VPS13B: variants seen among roughly 807,000 people sequenced by gnomAD.
VPS13B encodes the protein intermembrane lipid transfer protein VPS13B.
VPS13B carries 285 observed loss-of-function variants against 426.4 expected under a neutral mutation model. The observed-to-expected ratio is 0.67, with a 90% CI of 0.61 to 0.74. VPS13B has a LOEUF of 0.74. Ranked by LOEUF, VPS13B falls within the 30% of genes least tolerant of loss-of-function variation. The pLI is 0.00. For missense variants in VPS13B, 4,537 were observed against 4,782.6 expected, an observed-to-expected ratio of 0.95 and a Z score of 1.51; for synonymous variants, 1,676 against 1,676.4, an observed-to-expected ratio of 1.00 and a Z score of 0.01.
chr8:99,099,257 G>T (rs1004958014), intron 4 of VPS13B, among the ~76,000 whole-genome samples: 1 of 152,098 alleles, frequency 6.6e-6, no homozygotes, highest in African/African-American at 2.4e-5. Flanking sequence ...TTTCATAAAA[G>T]ACAAGAACAT....
At chr8:99,697,214 G>A in intron 35 of VPS13B, 2 of 567,924 alleles carry the variant, frequency 3.5e-6, no homozygotes, top group Non-Finnish European at 3.2e-6. Flanking sequence ...AAGTGCACAA[G>A]GTAAAGCTGG....
intron 19 of VPS13B, among the ~76,000 whole-genome samples, chr8:99,350,081 TA>T (rs1811793587): frequency 6.6e-6 from 1 of 152,168 alleles, no homozygotes; most frequent in African/African-American, 2.4e-5. Context: ...CTTTCTTCAA[TA>T]AGTGAAGTTT....
chr8:99,508,035 G>T, intron 28 of VPS13B: 1 of 1,442,470 alleles, frequency 6.9e-7, no homozygotes, highest in Non-Finnish European at 9.6e-7. Flanking sequence ...CTTTATAAAT[G>T]AAGTATAATG....
At chr8:99,162,967 C>T (rs1407240830) in intron 15 of VPS13B, among the ~76,000 whole-genome samples, 1 of 152,098 alleles carries the variant, frequency 6.6e-6, no homozygotes, top group Admixed American at 6.5e-5. Context: ...TACAAAGGTT[C>T]TCCACGTCCC....
rs558539223 is a variant in VPS13B at position 99,249,624 on chromosome 8, T to C, written c.2516-24574T>C. 4.6e-5 allele frequency among the ~76,000 whole-genome samples: 7 copies of C among 151,942 alleles called. No homozygotes were observed. In the South Asian group the frequency reaches 8.3e-4, roughly 18 times the overall value. On this transcript the variant is annotated intron_variant, in intron 17 of 61. Transcript: ENST00000357162. ...ACTTTTAGTAGAGACGGGGTTTCAC[T>C]GTGTTAGCCAGGATGGTCTCGATCT...
intron 33 of VPS13B, among the ~76,000 whole-genome samples, chr8:99,588,038 A>C (rs764853293): frequency 6.6e-6 from 1 of 151,786 alleles, no homozygotes; most frequent in Non-Finnish European, 1.5e-5. Context: ...CTTTCTACAT[A>C]TGGTTAGCCA....
intron 19 of VPS13B, among the ~76,000 whole-genome samples, chr8:99,339,296 G>A (rs1811106291): frequency 6.6e-6 from 1 of 152,034 alleles, no homozygotes; most frequent in African/African-American, 2.4e-5. Context: ...GCTCACAGTA[G>A]GCTGTACAGG....
At chr8:99,807,602 A>T (rs961884498) in intron 43 of VPS13B, among the ~76,000 whole-genome samples, 1 of 152,062 alleles carries the variant, frequency 6.6e-6, no homozygotes. Flanking sequence ...CATCAAAGAT[A>T]TTCTGGTACT....
intron 34 of VPS13B, among the ~76,000 whole-genome samples, chr8:99,650,445 T>A (rs1829762683): frequency 6.6e-6 from 1 of 152,160 alleles, no homozygotes; most frequent in African/African-American, 2.4e-5. Context: ...TATATACAAT[T>A]TTAAAATATA....
intron 36 of VPS13B, among the ~76,000 whole-genome samples, chr8:99,707,548 C>T (rs1832540501): frequency 6.6e-6 from 1 of 152,172 alleles, no homozygotes. Flanking sequence ...TCTAGGCACA[C>T]TGCATTTAGT....
chr8:99,129,972 G>A (rs1008080700), intron 8 of VPS13B, among the ~76,000 whole-genome samples: 1 of 152,042 alleles, frequency 6.6e-6, no homozygotes, highest in Non-Finnish European at 1.5e-5. Flanking sequence ...ACCCATGATC[G>A]TGCTACTGCA....
chr8:99,317,378 A>C (rs1225754643), intron 19 of VPS13B, among the ~76,000 whole-genome samples: 1 of 152,200 alleles, frequency 6.6e-6, no homozygotes, highest in Non-Finnish European at 1.5e-5. Context: ...TGTGATGACA[A>C]CATTGAAAAT....
intron 3 of VPS13B, among the ~76,000 whole-genome samples, chr8:99,040,385 C>T (rs1367879896): frequency 6.6e-6 from 1 of 152,066 alleles, no homozygotes; most frequent in Non-Finnish European, 1.5e-5. Context: ...AAACCACTCT[C>T]AAAACAAGTA....
At chr8:99,575,833 C>T (rs778688448) in intron 32 of VPS13B, 49 bp downstream of exon 32, 48 of 1,583,354 alleles carry the variant, frequency 3.0e-5, no homozygotes, top group Non-Finnish European at 3.6e-5. Context: ...TGGAATTGCT[C>T]CTCTTTGTAT....
intron 23 of VPS13B, among the ~76,000 whole-genome samples, chr8:99,455,821 G>A (rs182466284): frequency 2.0e-5 from 3 of 152,242 alleles, no homozygotes; most frequent in African/African-American, 7.2e-5. Flanking sequence ...TTATTGCTGA[G>A]GAGCATTCCA....
chr8:99,464,673 A>G (rs1819018488), intron 23 of VPS13B, among the ~76,000 whole-genome samples: 1 of 152,090 alleles, frequency 6.6e-6, no homozygotes, highest in South Asian at 2.1e-4. Flanking sequence ...AGTTTCACTC[A>G]TTTGTAAGTT....
At chr8:99,170,419 T>C (rs1051505571) in intron 16 of VPS13B, among the ~76,000 whole-genome samples, 1 of 152,100 alleles carries the variant, frequency 6.6e-6, no homozygotes, top group Admixed American at 6.5e-5. Context: ...GTGTGTAAAA[T>C]ACTACTTGAG....
At chr8:99,199,422 C>T (rs372739562) in intron 17 of VPS13B, among the ~76,000 whole-genome samples, 7 of 151,970 alleles carry the variant, frequency 4.6e-5, no homozygotes, top group South Asian at 2.1e-4. Flanking sequence ...CCGTCTGCCT[C>T]GGCCTCCCAA....
intron 3 of VPS13B, among the ~76,000 whole-genome samples, chr8:99,049,232 A>G (rs1843395947): frequency 6.7e-6 from 1 of 149,676 alleles, no homozygotes; most frequent in Non-Finnish European, 1.5e-5. Flanking sequence ...TTTTTTTCAA[A>G]TTGTATTTTT....
Sources: gnomAD v4.1 joint callset for allele counts (sites outside exome capture counted in the v4.1 genomes callset) on GRCh38, gnomAD v4.1.1 for gene constraint, MANE v1.5 for transcripts, NCBI Gene and HGNC (gene_info 2026-07-23, HGNC 2026-07-21) for gene names.